ZNF568: variants seen among roughly 807,000 people sequenced by gnomAD.
The protein encoded by ZNF568 is zinc finger protein 568, also known as p53 inhibitor of SCO2 activation.
In ZNF568, 11 loss-of-function variants were observed where a neutral mutation model predicts 18.1. The observed-to-expected ratio is 0.61, with a 90% CI of 0.38 to 1.00. The LOEUF is 1.00. Among genes scored for constraint, ZNF568 ranks in the 50% least tolerant of loss-of-function variants. The pLI, the probability that ZNF568 is intolerant of heterozygous loss-of-function variation, is 0.01. For synonymous variants in ZNF568, 213 were observed against 246.6 expected (o/e 0.86, Z 1.28); for missense variants, 639 against 768.2 (o/e 0.83, Z 1.99).
intron 4 of ZNF568, among the ~76,000 whole-genome samples, chr19:36,929,274 C>T (rs937526974): frequency 2.6e-5 from 4 of 152,132 alleles, no homozygotes; most frequent in Admixed American, 1.3e-4. Context: ...CATGGTGGCT[C>T]ACACCTGTAA....
At chr19:36,947,699 A>C (rs780851520) in intron 6 of ZNF568, among the ~76,000 whole-genome samples, 1 of 152,102 alleles carries the variant, frequency 6.6e-6, no homozygotes, top group Admixed American at 6.5e-5. Flanking sequence ...AGGTCTTGCT[A>C]TGTTTCCCAG....
intron 6 of ZNF568, among the ~76,000 whole-genome samples, chr19:36,961,640 C>T (rs1224248341): frequency 3.9e-5 from 6 of 152,056 alleles, no homozygotes; most frequent in African/African-American, 1.4e-4. Context: ...TATTCTGCAT[C>T]AGCCTCCTGA....
At chr19:36,942,109 A>G (rs1458489534) in intron 6 of ZNF568, among the ~76,000 whole-genome samples, 9 of 151,364 alleles carry the variant, frequency 5.9e-5, no homozygotes, top group Non-Finnish European at 1.3e-4. Context: ...CAGCCTGCCA[A>G]GTAACTGGGA....
intron 6 of ZNF568, among the ~76,000 whole-genome samples, chr19:36,969,405 A>C (rs916774713): frequency 2.0e-5 from 3 of 152,160 alleles, no homozygotes; most frequent in African/African-American, 7.2e-5. Flanking sequence ...AAATATCTCA[A>C]GCAAGGAAGG....
intron 6 of ZNF568, among the ~76,000 whole-genome samples, chr19:36,948,658 A>ATTTTTTTTTTTTTTTTTT (rs4069585): frequency 8.4e-5 from 7 of 83,558 alleles, no homozygotes; most frequent in Admixed American, 2.8e-4. Flanking sequence ...TTTGTTGTTG[A>ATTTTTTTTTTTTTTTTTT]TTTTTTTTTT....
At position 36,950,548 on chromosome 19, in the gene ZNF568, GAA is replaced by G; in HGVS notation, c.1398_1399del (p.Lys466AsnfsTer9). The G allele has an allele frequency of 6.2e-7, 1 of 1,613,640 alleles. No individual in the cohort carries two copies. Among genetic ancestry groups the G allele is most frequent in the Non-Finnish European group, 8.5e-7 (1 of 1,179,664 alleles). On this transcript the variant is annotated frameshift_variant, in exon 7 of 7. Coordinates refer to ENST00000333987, the MANE Select transcript of ZNF568 (RefSeq NM_198539.4). LOFTEE classifies it low-confidence loss of function (END_TRUNC). Reference protein sequence around the residue: ...SRKENLITHQKIHTGEKPYEC... With the variant: ...SRKENLITHQXIHTGEKPYEC... Reference sequence around the variant, plus strand: ...GGAAAGAAAATCTCATTACACATCAGAAAATTCACACTGGAGAGAAACCTTAT... The same window carrying G: ...GGAAAGAAAATCTCATTACACATCAGAATTCACACTGGAGAGAAACCTTAT...
chr19:36,916,913 C>A lies in ZNF568; in HGVS notation c.-256+322C>A, dbSNP rs2073347097. On this transcript the variant is annotated intron_variant, in intron 1 of 6. Coordinates refer to ENST00000333987, the MANE Select transcript of ZNF568 (RefSeq NM_198539.4). This position sits in a 1 kb window ranked among gnomAD's most constrained non-coding sequence, Gnocchi z 5.3. ...TGATCCTCCCTCCTTGTTGGCCACT[C>A]CTCTGTAGTCTTCTTTGCTGTCTTT... 6.6e-6 allele frequency among the ~76,000 whole-genome samples: 1 copy of A among 152,108 alleles called. No individual in the cohort carries two copies. The highest frequency in any genetic ancestry group is 1.5e-5 in the Non-Finnish European group (1 of 68,016).
At chr19:36,991,110 C>T in intron 2 of ZNF568, 1 of 1,473,594 alleles carries the variant, frequency 6.8e-7, no homozygotes, top group Admixed American at 2.3e-5. Context: ...TCTCCATTTT[C>T]TTTTATGTTG....
At chr19:36,919,535 G>A (rs1159715146) in intron 2 of ZNF568, among the ~76,000 whole-genome samples, 3 of 152,034 alleles carry the variant, frequency 2.0e-5, no homozygotes, top group African/African-American at 4.8e-5. Flanking sequence ...TATATCCCTC[G>A]CATGCACAGT....
chr19:36,942,168 G>T (rs2073890517), intron 6 of ZNF568, among the ~76,000 whole-genome samples: 1 of 151,654 alleles, frequency 6.6e-6, no homozygotes, highest in Admixed American at 6.6e-5. Context: ...ATTTAGTAGA[G>T]ATGGGGTTTC....
intron 4 of ZNF568, among the ~76,000 whole-genome samples, chr19:36,927,362 A>G (rs901856633): frequency 1.3e-5 from 2 of 152,108 alleles, no homozygotes; most frequent in African/African-American, 4.8e-5. Flanking sequence ...GGATTATAAT[A>G]TTGTAATTGG....
At chr19:36,970,582 C>T (rs2074228603) in intron 6 of ZNF568, among the ~76,000 whole-genome samples, 1 of 152,074 alleles carries the variant, frequency 6.6e-6, no homozygotes, top group African/African-American at 2.4e-5. Flanking sequence ...AGTGATGCTC[C>T]TGCCTCAGCC....
In ZNF568 at chr19:36,991,321, T is replaced by C. The variant is rs770379140; in HGVS notation, c.133+22T>C. On this transcript the variant is annotated intron_variant, in intron 3 of 4. Coordinates refer to the ZNF568 transcript ENST00000433993. ...CTGGGTAACTTTATCTGCCCCTCCG[T>C]ACACCCCCTGCCCCGCCAAACACAC... is the stretch of plus-strand genomic sequence containing the variant. 16 of 1,522,626 alleles carry C rather than the reference T, an allele frequency of 1.1e-5. No homozygotes were observed. In the Admixed American group the frequency reaches 1.6e-4, roughly 15 times the overall value. The allele number at this position is 1,522,626 out of a possible 1,614,324, so 94.3% of individuals were successfully genotyped here.
intron 4 of ZNF568, among the ~76,000 whole-genome samples, chr19:36,933,912 T>TTTG (rs2073738358): frequency 3.2e-5 from 1 of 31,352 alleles, no homozygotes; most frequent in African/African-American, 1.9e-4. Flanking sequence ...TTTTTTTTTG[T>TTTG]TTTGTTTTTT....
At chr19:36,968,820 G>T (rs1461503010) in intron 6 of ZNF568, among the ~76,000 whole-genome samples, 1 of 150,058 alleles carries the variant, frequency 6.7e-6, no homozygotes, top group Non-Finnish European at 1.5e-5. Flanking sequence ...TTGTTAAATT[G>T]TTGACAATTT....
intron 6 of ZNF568, among the ~76,000 whole-genome samples, chr19:36,971,802 G>A (rs1265931209): frequency 6.6e-6 from 1 of 151,102 alleles, no homozygotes; most frequent in Non-Finnish European, 1.5e-5. Flanking sequence ...CTCCCAAAGT[G>A]CTAGGATTAC....
chr19:36,962,277 G>GTTTTTTTTTTTTTTT (rs71177418), intron 6 of ZNF568, among the ~76,000 whole-genome samples: 2 of 45,266 alleles, frequency 4.4e-5, no homozygotes, highest in Non-Finnish European at 7.6e-5. Context: ...GTGTTGCAGT[G>GTTTTTTTTTTTTTTT]TTTTTTTTTT....
intron 6 of ZNF568, among the ~76,000 whole-genome samples, chr19:36,966,243 A>T (rs1346509904): frequency 6.6e-6 from 1 of 152,080 alleles, no homozygotes; most frequent in African/African-American, 2.4e-5. Context: ...CCGAGATTGC[A>T]CCACTGCATT....
intron 2 of ZNF568, chr19:36,990,917 T>A (rs1455171103): frequency 3.1e-6 from 1 of 325,642 alleles, no homozygotes; most frequent in Admixed American, 4.5e-5. Flanking sequence ...TACATGGACT[T>A]AGTTTATTCT....
Sources: allele counts gnomAD v4.1 joint callset (sites outside exome capture counted in the v4.1 genomes callset), GRCh38; gene constraint gnomAD v4.1.1; non-coding constraint Gnocchi (gnomAD v3.1); transcripts MANE v1.5; gene names NCBI Gene and HGNC (gene_info 2026-07-23, HGNC 2026-07-21).